CALN1: variants seen among roughly 807,000 people sequenced by gnomAD.
CALN1 encodes the protein calneuron 1, also known as calcium-binding protein 8.
CALN1 carries 17 observed loss-of-function variants against 30.6 expected under a neutral mutation model. The observed-to-expected ratio is 0.56, with a 90% confidence interval of 0.38 to 0.83. The LOEUF (loss-of-function observed/expected upper bound fraction) is 0.83, where lower values mean the gene tolerates loss of function less well. Ranked by LOEUF, CALN1 falls within the 40% of genes least tolerant of loss-of-function variation. The pLI is 0.00. For missense variants in CALN1, 291 were observed against 354.9 expected (o/e 0.82, Z 1.45); for synonymous variants, 156 against 131.4 (o/e 1.19, Z -1.28).
At chr7:72,286,172 CTCT>C (rs1310049638) in intron 2 of CALN1, among the ~76,000 whole-genome samples, 2 of 151,876 alleles carry the variant, frequency 1.3e-5, no homozygotes, top group Non-Finnish European at 3.0e-5. Context: ...TACCCAAATT[CTCT>C]TCTGTTTCAG....
At chr7:72,338,332 G>C (rs1802196116) in intron 2 of CALN1, among the ~76,000 whole-genome samples, 1 of 152,166 alleles carries the variant, frequency 6.6e-6, no homozygotes, top group South Asian at 2.1e-4. Context: ...AAAGATACAT[G>C]TGAAAAATTT....
rs577907893 is a variant in CALN1, at chr7:71,892,228, G to T, written c.502-81736C>A. Among the ~76,000 whole-genome samples, 17 of 152,296 alleles carry T rather than the reference G, an allele frequency of 1.1e-4. No individual in the cohort carries two copies. The South Asian group carries it at 1.2e-3, about 11-fold the overall frequency. The stretch of plus-strand genomic sequence containing the variant: ...AATTTATATTTCTTTTACCATGAAT[G>T]AAGTTTGATAGATTTTTAAAAAATG... On this transcript the variant is annotated intron_variant, in intron 5 of 6. Coordinates refer to ENST00000395275, the MANE Select transcript of CALN1 (RefSeq NM_031468.4).
rs1798067871 is a variant in CALN1 at position 72,286,187 on chromosome 7, G to A, written c.120-7377C>T. ...TACCCAAATTCTCTTCTGTTTCAGG[G>A]ACTTAGGGATGACCAACCATAACAG... On this transcript the variant is annotated intron_variant, in intron 2 of 6. Transcript: ENST00000395275. Among the ~76,000 whole-genome samples, 3 of 151,796 alleles carry A rather than the reference G, an allele frequency of 2.0e-5. No individual in the cohort carries two copies. In the South Asian group the frequency reaches 6.2e-4, roughly 31 times the overall value.
chr7:72,421,977 G>C (rs1243709112), intron 1 of CALN1, among the ~76,000 whole-genome samples: 2 of 152,096 alleles, frequency 1.3e-5, no homozygotes, highest in Non-Finnish European at 2.9e-5. Context: ...TTTCACAGCT[G>C]AGTAGTATTC....
intron 4 of CALN1, among the ~76,000 whole-genome samples, chr7:72,081,796 T>A (rs1481925825): frequency 6.6e-6 from 1 of 152,106 alleles, no homozygotes. Flanking sequence ...GGAGCGGGCA[T>A]CTCTCCTACC....
chr7:72,429,723 TTA>T (rs1172668700), intron 1 of CALN1, among the ~76,000 whole-genome samples: 8 of 147,736 alleles, frequency 5.4e-5, no homozygotes, highest in Non-Finnish European at 1.0e-4. Context: ...TTATATGTAA[TTA>T]TATATATGTC....
chr7:72,197,436 G>T (rs537186457), intron 3 of CALN1, among the ~76,000 whole-genome samples: 1 of 151,978 alleles, frequency 6.6e-6, no homozygotes, highest in South Asian at 2.1e-4. Context: ...TCCTGACCTC[G>T]TGATCCATCT....
At chr7:72,009,763 G>GCT (rs1194024040) in intron 5 of CALN1, among the ~76,000 whole-genome samples, 1 of 152,050 alleles carries the variant, frequency 6.6e-6, no homozygotes, top group Non-Finnish European at 1.5e-5. Context: ...CTTTCATTTG[G>GCT]CTCTCATTCT....
intron 2 of CALN1, among the ~76,000 whole-genome samples, chr7:72,324,756 A>AT (rs1032904404): frequency 9.3e-5 from 14 of 151,228 alleles, no homozygotes; most frequent in Non-Finnish European, 1.8e-4. Flanking sequence ...TAATTTTTGT[A>AT]TTTTTTTGGT....
At chr7:72,179,973 C>A (rs1789641584) in intron 3 of CALN1, among the ~76,000 whole-genome samples, 2 of 152,160 alleles carry the variant, frequency 1.3e-5, no homozygotes, top group African/African-American at 4.8e-5. Flanking sequence ...CTAATTGTCT[C>A]ACAAAGGTCA....
At chr7:72,498,276 T>C in the CALN1 span, among the ~76,000 whole-genome samples, 1 of 152,016 alleles carries the variant, frequency 6.6e-6, no homozygotes, top group Admixed American at 6.6e-5. Context: ...TCAAGAAATA[T>C]TGGCCAAAAT....
At chr7:72,500,269 C>CTTTTTTTTTTTTTTTTTTTTTTTTTT in the CALN1 span, among the ~76,000 whole-genome samples, 2 of 51,364 alleles carry the variant, frequency 3.9e-5, 1 homozygote, top group Non-Finnish European at 6.7e-5. Context: ...TTCGTTCCTT[C>CTTTTTTTTTTTTTTTTTTTTTTTTTT]TTTTTTTTTT....
At chr7:72,344,098 G>T (rs972289242) in intron 2 of CALN1, among the ~76,000 whole-genome samples, 1 of 151,970 alleles carries the variant, frequency 6.6e-6, no homozygotes, top group Non-Finnish European at 1.5e-5. Context: ...AGGCTTGAGT[G>T]CAGTGGCTTG....
upstream of CALN1, among the ~76,000 whole-genome samples, chr7:72,449,600 C>T (rs746309929): frequency 4.6e-5 from 7 of 152,134 alleles, no homozygotes; most frequent in Non-Finnish European, 7.3e-5. Context: ...AGGCTGGGCG[C>T]GGTGGCTCAT....
intron 2 of CALN1, among the ~76,000 whole-genome samples, chr7:72,296,154 C>T (rs1003115325): frequency 1.3e-5 from 2 of 151,684 alleles, no homozygotes; most frequent in Non-Finnish European, 2.9e-5. Context: ...TGTTTATATG[C>T]TGGATTACAT....
At chr7:72,219,657 A>C (rs899933610) in intron 3 of CALN1, among the ~76,000 whole-genome samples, 7 of 148,610 alleles carry the variant, frequency 4.7e-5, no homozygotes, top group African/African-American at 1.7e-4. Flanking sequence ...ACACACGCAC[A>C]CACACCCTTG....
At chr7:71,972,755 T>C (rs1033436410) in intron 5 of CALN1, among the ~76,000 whole-genome samples, 3 of 152,154 alleles carry the variant, frequency 2.0e-5, no homozygotes, top group Non-Finnish European at 2.9e-5. Context: ...CAGTGATTGA[T>C]GGGCCGTTAA....
At chr7:72,181,351 TTTA>T (rs1476540398) in intron 3 of CALN1, among the ~76,000 whole-genome samples, 1 of 151,590 alleles carries the variant, frequency 6.6e-6, no homozygotes, top group African/African-American at 2.4e-5. Flanking sequence ...ACCAATTGCA[TTTA>T]TTATTTTTTT....
intron 5 of CALN1, among the ~76,000 whole-genome samples, chr7:71,810,868 C>T (rs1192082302): frequency 1.3e-5 from 2 of 150,946 alleles, no homozygotes; most frequent in African/African-American, 4.9e-5. Flanking sequence ...AACACTCTGG[C>T]AATTCCCATA....
Sources: allele counts gnomAD v4.1 joint callset (sites outside exome capture counted in the v4.1 genomes callset), GRCh38; gene constraint gnomAD v4.1.1; transcripts MANE v1.5; gene names NCBI Gene and HGNC (gene_info 2026-07-23, HGNC 2026-07-21).